The following METRN variants were observed in gnomAD, a reference collection of about 807,000 sequenced individuals.
METRN encodes meteorin, glial cell differentiation regulator, also known as meteorin.
Under a neutral mutation model 17.4 loss-of-function variants are expected in METRN, and 17 were observed. The ratio of observed to expected loss-of-function variants is 0.98; its 90% CI spans 0.67 to 1.46. The LOEUF (loss-of-function observed/expected upper bound fraction) is 1.46, where lower values mean the gene tolerates loss of function less well. Ranked by LOEUF, METRN falls within the 40% of genes most tolerant of loss-of-function variation. The pLI is 0.00. For synonymous variants in METRN, 230 were observed against 210.8 expected, an observed-to-expected ratio of 1.09 and a Z score of -0.79; for missense variants, 489 against 456.2, an observed-to-expected ratio of 1.07 and a Z score of -0.65.
In METRN at chr16:715,339, TG is replaced by T; in HGVS notation, c.52del (p.Ala18ProfsTer50). On this transcript the variant is annotated frameshift_variant, in exon 1 of 4. Transcript: ENST00000568223. LOFTEE classifies it high-confidence loss of function. ...CTCTGCGCGCTGTGCTGCGGCCTCC[TG>T]GCCCCGGCTGCCCGCGCCGGCTACT... ...ALLCALCCGLLAPAARAGYSE... is the reference protein window; with the variant it reads ...ALLCALCCGLXAPAARAGYSE... 7.4e-7 allele frequency: 1 copy of T among 1,342,282 alleles called. No individual in the cohort carries two copies. The highest frequency in any genetic ancestry group is 9.5e-7 in the Non-Finnish European group (1 of 1,048,198). The allele number at this position is 1,342,282 out of a possible 1,614,324, so 83.1% of individuals were successfully genotyped here. A position where few individuals can be genotyped will look rare whatever the true frequency, so the allele number is the denominator to read the frequency against.
intron 2 of METRN, 147 bp from the exon 3 acceptor site, chr16:716,786 C>G (rs954136460): frequency 6.6e-7 from 1 of 1,525,036 alleles, no homozygotes; most frequent in Non-Finnish European, 8.8e-7. Flanking sequence ...GTGTAGCTCT[C>G]TGGGACCCCC....
chr16:715,249 G>C lies in METRN; in HGVS notation c.-41G>C. ...GGACCCGCGCCCCGCCGGGGCAGCG[G>C]TGGTGAGAGCCCCGACTCCCCGGAC... On this transcript the variant is annotated 5_prime_UTR_variant, in exon 1 of 4. Coordinates refer to ENST00000568223, the MANE Select transcript of METRN (RefSeq NM_024042.4). 8.8e-7 allele frequency: 1 copy of C among 1,138,464 alleles called. No individual in the cohort carries two copies. Among genetic ancestry groups the C allele is most frequent in the African/African-American group, 1.6e-5 (1 of 60,702 alleles). 70.5% of individuals were successfully genotyped at this position (1,138,464 alleles called of 1,614,324 possible). A position where few individuals can be genotyped will look rare whatever the true frequency, so the allele number is the denominator to read the frequency against.
In METRN at chr16:715,776, A is replaced by AG; in HGVS notation, c.302dup (p.Ala102ArgfsTer48). 1.6e-6 allele frequency: 2 copies of AG among 1,261,164 alleles called. No homozygotes were observed. The highest frequency in any genetic ancestry group is 2.9e-5 in the South Asian group (1 of 34,372). The allele number at this position is 1,261,164 out of a possible 1,614,324, so 78.1% of individuals were successfully genotyped here. A position where few individuals can be genotyped will look rare whatever the true frequency, so the allele number is the denominator to read the frequency against. The stretch of plus-strand genomic sequence containing the variant: ...GCGCCCAGGTCTTCGCGGAGCGCGC[A>AG]GGGGGCGCCCTGGAGCTGCTGCTGG... On this transcript the variant is annotated frameshift_variant, in exon 2 of 4. Transcript: ENST00000568223. LOFTEE classifies it high-confidence loss of function.
chr16:716,155 C>A lies in METRN; in HGVS notation c.505+171C>A, dbSNP rs545442782. On this transcript the variant is annotated intron_variant, in intron 2 of 3. Transcript: ENST00000568223. ...GGACTGCTGGGGAGGGATGGCCTCCCCGCCCTCCCTTCCCGATTCATCTCT... is the reference window on the plus strand; with the variant it reads ...GGACTGCTGGGGAGGGATGGCCTCCACGCCCTCCCTTCCCGATTCATCTCT... 269 of 985,318 alleles carry A rather than the reference C, an allele frequency of 2.7e-4. 3 individuals are homozygous for A. In the African/African-American group the frequency reaches 4.3e-3, roughly 16 times the overall value. The allele number at this position is 985,318 out of a possible 1,614,324, so 61.0% of individuals were successfully genotyped here. A position where few individuals can be genotyped will look rare whatever the true frequency, so the allele number is the denominator to read the frequency against.
In METRN at chr16:715,764, C is replaced by A. The variant is rs1225664116; in HGVS notation, c.285C>A (p.Phe95Leu). Residue 95 changes from phenylalanine (F) to leucine (L), a missense_variant, in exon 2 of 4, where the codon TTC becomes TTA. Physicochemically the swap from Phe to Leu is conservative, Grantham distance 22. Coordinates refer to ENST00000568223, the MANE Select transcript of METRN (RefSeq NM_024042.4). ...GGCCCTTCGCGGGCGCCCAGGTCTT[C>A]GCGGAGCGCGCAGGGGGCGCCCTGG... ...PVRPFAGAQV[F>L]AERAGGALEL... 3.9e-6 allele frequency: 5 copies of A among 1,266,732 alleles called. No individual in the cohort carries two copies. Among genetic ancestry groups the A allele is most frequent in the Admixed American group, 4.3e-5 (1 of 23,330 alleles). 78.5% of individuals were successfully genotyped at this position (1,266,732 alleles called of 1,614,324 possible). A position where few individuals can be genotyped will look rare whatever the true frequency, so the allele number is the denominator to read the frequency against.
At position 716,000 on chromosome 16, in the gene METRN, GT is replaced by G. The variant is rs1465217571; in HGVS notation, c.505+18del. ...GGCGTAGACGGTGAGTGGCGGTCTG[GT>G]TGGGACAGGGTGGGAGTCCCGAAGT... On this transcript the variant is annotated intron_variant, in intron 2 of 3. Transcript: ENST00000568223. The G allele has an allele frequency of 6.2e-6, 9 of 1,462,868 alleles. No homozygotes were observed. The East Asian group carries it at 2.3e-4, about 37-fold the overall frequency. 90.6% of individuals were successfully genotyped at this position (1,462,868 alleles called of 1,614,324 possible).
Position 717,579 on chromosome 16 carries a change from G to T in METRN, c.*192G>T. ...TCCTGCCTCCTGGCGGGAGACTGAG[G>T]CTCAGGGGAATGGTATCTTGTTCAA... is the stretch of plus-strand genomic sequence containing the variant. On this transcript the variant is annotated 3_prime_UTR_variant, in exon 4 of 4. Coordinates refer to ENST00000568223, the MANE Select transcript of METRN (RefSeq NM_024042.4). 2.1e-6 allele frequency: 1 copy of T among 475,564 alleles called. No homozygotes were observed. Among genetic ancestry groups the T allele is most frequent in the Non-Finnish European group, 3.5e-6 (1 of 282,356 alleles). 29.5% of individuals were successfully genotyped at this position (475,564 alleles called of 1,614,324 possible).
chr16:715,321 C>A lies in METRN; in HGVS notation c.32C>A (p.Ala11Glu). MGFPAAALLC[A>E]LCCGLLAPAA... ...TTCCCGGCCGCGGCGCTGCTCTGCGCGCTGTGCTGCGGCCTCCTGGCCCCG... is the reference window on the plus strand; with the variant it reads ...TTCCCGGCCGCGGCGCTGCTCTGCGAGCTGTGCTGCGGCCTCCTGGCCCCG... The change falls in exon 1 of 4, where the codon GCG (alanine) becomes GAG (glutamate). Residue 11 changes from alanine (A) to glutamate (E), a missense_variant. Physicochemically the swap from Ala to Glu is moderately radical, Grantham distance 107. Coordinates refer to ENST00000568223, the MANE Select transcript of METRN (RefSeq NM_024042.4). 1 of 1,349,038 alleles carries A rather than the reference C, an allele frequency of 7.4e-7. No homozygotes were observed. The highest frequency in any genetic ancestry group is 9.5e-7 in the Non-Finnish European group (1 of 1,051,408). 83.6% of individuals were successfully genotyped at this position (1,349,038 alleles called of 1,614,324 possible).
chr16:716,879 G>C (rs1482495201), intron 2 of METRN, 54 bp from the exon 3 acceptor site: 1 of 1,508,390 alleles, frequency 6.6e-7, no homozygotes, highest in South Asian at 1.3e-5. Context: ...ACGGGGCCTG[G>C]GGTGATGCCG....
chr16:716,587 C>T, intron 2 of METRN: 1 of 1,535,298 alleles, frequency 6.5e-7, no homozygotes, highest in Admixed American at 2.0e-5. Flanking sequence ...GACCTCAGAT[C>T]CGGGAAACTA....
At position 719,319 on chromosome 16, in the gene METRN, C is replaced by T. The variant is rs914601138; in HGVS notation, c.*1932C>T. 3.3e-5 allele frequency: 5 copies of T among 152,302 alleles called. No individual in the cohort carries two copies. Among genetic ancestry groups the T allele is most frequent in the Non-Finnish European group, 7.3e-5 (5 of 68,130 alleles). 9.4% of individuals were successfully genotyped at this position (152,302 alleles called of 1,614,324 possible). On this transcript the variant is annotated 3_prime_UTR_variant, in exon 4 of 4. Coordinates refer to ENST00000568223, the MANE Select transcript of METRN (RefSeq NM_024042.4). ...ATTAGACCAGGGGCTTCATGCCTGC[C>T]CTGGGGACAGGTGGCCAAAGTGGCA...
At chr16:715,548 C>CCCCCGTCTCAGCGCCCCGT in intron 1 of METRN, 36 bp from the exon 2 acceptor site, 1 of 1,293,864 alleles carries the variant, frequency 7.7e-7, no homozygotes, top group Non-Finnish European at 9.8e-7. Context: ...CGGGGACCCG[C>CCCCCGTCTCAGCGCCCCGT]CCCCGTCTCA....
rs2040149016 is a variant in METRN at position 715,128 on chromosome 16, CG to C, written c.-160del. On this transcript the variant is annotated 5_prime_UTR_variant, in exon 1 of 4. Transcript: ENST00000568223. ...TTCCCGACCCGCTCCAAGGCGGCCC[CG>C]GCGCTGGGGCTGCGCGGCAGGCGGA... 6.2e-6 allele frequency: 1 copy of C among 160,078 alleles called. No individual in the cohort carries two copies. Among genetic ancestry groups the C allele is most frequent in the Non-Finnish European group, 1.3e-5 (1 of 76,928 alleles). The allele number at this position is 160,078 out of a possible 1,614,324, so 9.9% of individuals were successfully genotyped here.
At position 717,423 on chromosome 16, in the gene METRN, G is replaced by T. The variant is rs768313891; in HGVS notation, c.*36G>T. The T allele has an allele frequency of 1.5e-6, 2 of 1,361,638 alleles. No individual in the cohort carries two copies. The highest frequency in any genetic ancestry group is 1.7e-5 in the South Asian group (1 of 60,230). 84.3% of individuals were successfully genotyped at this position (1,361,638 alleles called of 1,614,324 possible). On this transcript the variant is annotated 3_prime_UTR_variant, in exon 4 of 4. Transcript: ENST00000568223. ...GCTGGGGAGGGGCTGGTAGGAGGGA[G>T]GGTGGGCCCACTGCTTTGGAGGTGA... is the stretch of plus-strand genomic sequence containing the variant.
At position 715,861 on chromosome 16, in the gene METRN, G is replaced by A. The variant is rs192156658; in HGVS notation, c.382G>A (p.Ala128Thr). The A allele has an allele frequency of 3.0e-3, 4,040 of 1,362,096 alleles. 13 individuals are homozygous for A. Among genetic ancestry groups the A allele is most frequent in the East Asian group, 0.019 (610 of 32,210 alleles). 84.4% of individuals were successfully genotyped at this position (1,362,096 alleles called of 1,614,324 possible). A position where few individuals can be genotyped will look rare whatever the true frequency, so the allele number is the denominator to read the frequency against. Residue 128 changes from alanine to threonine, a missense_variant, in exon 2 of 4, where the codon GCC becomes ACC. Physicochemically the swap from Ala to Thr is moderately conservative, Grantham distance 58. Coordinates refer to ENST00000568223, the MANE Select transcript of METRN (RefSeq NM_024042.4). ...CVRWGPRERR[A>T]LFLQATPHQD... Reference sequence around the variant, plus strand: ...GCGCTGGGGTCCCCGCGAGCGCCGGGCCCTCTTCCTGCAGGCCACGCCGCA... The same window carrying A: ...GCGCTGGGGTCCCCGCGAGCGCCGGACCCTCTTCCTGCAGGCCACGCCGCA...
Position 715,209 on chromosome 16 carries a change from C to A in METRN, c.-81C>A. The A allele has an allele frequency of 1.5e-6, 1 of 680,130 alleles. No individual in the cohort carries two copies. The allele number at this position is 680,130 out of a possible 1,614,324, so 42.1% of individuals were successfully genotyped here. A position where few individuals can be genotyped will look rare whatever the true frequency, so the allele number is the denominator to read the frequency against. Reference sequence around the variant, plus strand: ...GCCGGGCGGCCGGCGCCCCCGGCTGCTCCCGCCGCCGCCCGGACCCGCGCC... The same window carrying A: ...GCCGGGCGGCCGGCGCCCCCGGCTGATCCCGCCGCCGCCCGGACCCGCGCC... On this transcript the variant is annotated 5_prime_UTR_variant, in exon 1 of 4. Coordinates refer to ENST00000568223, the MANE Select transcript of METRN (RefSeq NM_024042.4).
In METRN at chr16:717,171, G is replaced by A; in HGVS notation, c.666G>A (p.Leu222=). The A allele has an allele frequency of 6.2e-7, 1 of 1,605,292 alleles. No individual in the cohort carries two copies. The highest frequency in any genetic ancestry group is 8.5e-7 in the Non-Finnish European group (1 of 1,176,954). Residue 222 remains leucine, a synonymous_variant, in exon 4 of 4, where the codon CTG becomes CTA. Transcript: ENST00000568223. The part of the protein sequence containing the change: ...AARVLRQTPP[L]FQAGRSGDQG... Reference sequence around the variant, plus strand: ...GTGTCCTCCGCCAGACACCGCCGCTGTTCCAGGCGGGGCGATCCGGGGACC... The same window carrying A: ...GTGTCCTCCGCCAGACACCGCCGCTATTCCAGGCGGGGCGATCCGGGGACC...
Position 715,985 on chromosome 16 carries a change from G to A in METRN, c.505+1G>A. 1 of 1,486,406 alleles carries A rather than the reference G, an allele frequency of 6.7e-7. No homozygotes were observed. The highest frequency in any genetic ancestry group is 8.9e-7 in the Non-Finnish European group (1 of 1,125,030). 92.1% of individuals were successfully genotyped at this position (1,486,406 alleles called of 1,614,324 possible). On this transcript the variant is annotated splice_donor_variant, in intron 2 of 3. Transcript: ENST00000568223. LOFTEE classifies it high-confidence loss of function. ...CAGGCCCACGGTCTCGGCGTAGACGGTGAGTGGCGGTCTGGTTGGGACAGG... is the reference window on the plus strand; with the variant it reads ...CAGGCCCACGGTCTCGGCGTAGACGATGAGTGGCGGTCTGGTTGGGACAGG...
intron 2 of METRN, 117 bp downstream of exon 2, chr16:716,101 T>G: frequency 7.5e-7 from 1 of 1,336,390 alleles, no homozygotes; most frequent in South Asian, 1.9e-5. Flanking sequence ...CTACAAGGGT[T>G]GGATGGGCTT....
Sources: allele counts gnomAD v4.1 joint callset, GRCh38; gene constraint gnomAD v4.1.1; transcripts MANE v1.5; gene names NCBI Gene and HGNC (gene_info 2026-07-23, HGNC 2026-07-21).